SRPK2: variants seen among roughly 807,000 people sequenced by gnomAD.
SRPK2 encodes SRSF protein kinase 2, also known as SFRS protein kinase 2.
SRPK2 carries 21 observed loss-of-function variants against 90.8 expected under a neutral mutation model. The observed-to-expected ratio is 0.23, with a 90% CI of 0.16 to 0.33. SRPK2 has a LOEUF of 0.33. Ranked by LOEUF, SRPK2 falls within the 10% of genes least tolerant of loss-of-function variation. SRPK2 has a pLI of 1.00. For synonymous variants in SRPK2, 288 were observed against 311.1 expected (o/e 0.93, Z 0.78); for missense variants, 620 against 869.0 (o/e 0.71, Z 3.60).
Position 105,191,219 on chromosome 7 carries a change from C to A in SRPK2, c.229+12409G>T, listed in dbSNP as rs546171632. 3.6e-3 allele frequency among the ~76,000 whole-genome samples: 541 copies of A among 152,186 alleles called. 3 individuals carry two copies. Among genetic ancestry groups the A allele is most frequent in the African/African-American group, 0.012 (511 of 41,538 alleles). On this transcript the variant is annotated intron_variant, in intron 3 of 15. Transcript: ENST00000393651. ...TTTCATAGCCAAACGATATCCAATG[C>A]AAAAAAGAAATGACAACCACCCTGA...
intron 2 of SRPK2, among the ~76,000 whole-genome samples, chr7:105,299,312 G>A (rs1231930740): frequency 6.6e-6 from 1 of 152,166 alleles, no homozygotes; most frequent in African/African-American, 2.4e-5. Context: ...TTTATTATGA[G>A]TGGAGTCAGG....
chr7:105,131,912 C>T (rs1022814102), intron 13 of SRPK2, among the ~76,000 whole-genome samples: 13 of 152,244 alleles, frequency 8.5e-5, no homozygotes, highest in African/African-American at 3.1e-4. Context: ...TAAGTAAATA[C>T]CACTGAGAAA....
At chr7:105,359,469 T>C (rs1818184981) in intron 2 of SRPK2, among the ~76,000 whole-genome samples, 1 of 152,108 alleles carries the variant, frequency 6.6e-6, no homozygotes, top group Non-Finnish European at 1.5e-5. Context: ...ACAGCACTAT[T>C]TATTAAGTGG....
rs527331063 is a variant in SRPK2 at position 105,297,575 on chromosome 7, A to C, written c.71+91073T>G. On this transcript the variant is annotated intron_variant, in intron 2 of 15. Transcript: ENST00000393651. ...ACACCGTTTACCATTTTAGACATAC[A>C]GAAGGTCCACGCTACAATTACCTAA... 1.7e-5 allele frequency: 14 copies of C among 839,962 alleles called. No individual in the cohort carries two copies. The African/African-American group carries it at 2.4e-4, about 14-fold the overall frequency. 52.0% of individuals were successfully genotyped at this position (839,962 alleles called of 1,614,324 possible).
At chr7:105,396,816 G>GAAAGAGAAAGAA (rs1563329651) in intron 1 of SRPK2, among the ~76,000 whole-genome samples, 2 of 92,346 alleles carry the variant, frequency 2.2e-5, no homozygotes, top group Non-Finnish European at 5.0e-5. Context: ...GAAAGAAAGA[G>GAAAGAGAAAGAA]AGAAAGAGAG....
intron 2 of SRPK2, among the ~76,000 whole-genome samples, chr7:105,321,348 T>C (rs1812915664): frequency 6.6e-6 from 1 of 152,132 alleles, no homozygotes; most frequent in Admixed American, 6.5e-5. Context: ...ACAACCTACA[T>C]AAGAGCTGAA....
intron 2 of SRPK2, among the ~76,000 whole-genome samples, chr7:105,379,147 C>G (rs912982262): frequency 2.0e-5 from 3 of 150,332 alleles, no homozygotes; most frequent in African/African-American, 7.4e-5. Flanking sequence ...GACCCAGTCT[C>G]TAAAAAAAAA....
intron 2 of SRPK2, among the ~76,000 whole-genome samples, chr7:105,214,141 A>C (rs1797171850): frequency 6.6e-6 from 1 of 152,240 alleles, no homozygotes. Context: ...TGGGCAGTGC[A>C]GATATAGAAC....
rs1563269860 is a variant in SRPK2, at chr7:105,348,943, C to T, written c.71+39705G>A. Reference sequence around the variant, plus strand: ...GGCAGATCACCTGAGGTTAGGGGTTCGAGACCAGCCTGGCCAACATGGTGA... The same window carrying T: ...GGCAGATCACCTGAGGTTAGGGGTTTGAGACCAGCCTGGCCAACATGGTGA... On this transcript the variant is annotated intron_variant, in intron 2 of 15. Coordinates refer to ENST00000393651, the MANE Select transcript of SRPK2 (RefSeq NM_182692.3). 2.0e-5 allele frequency among the ~76,000 whole-genome samples: 3 copies of T among 150,828 alleles called. No homozygotes were observed. The South Asian group carries it at 6.3e-4, about 32-fold the overall frequency.
At chr7:105,301,601 G>T (rs1380637723) in intron 2 of SRPK2, 1 of 1,605,678 alleles carries the variant, frequency 6.2e-7, no homozygotes, top group African/African-American at 1.3e-5. Flanking sequence ...CGGGAATTAA[G>T]TTCAGTTTCT....
intron 6 of SRPK2, 67 bp downstream of exon 6, chr7:105,167,310 T>G (rs73715406): frequency 3.0e-6 from 4 of 1,337,354 alleles, no homozygotes; most frequent in Non-Finnish European, 4.3e-6. Flanking sequence ...ACAGAGATTA[T>G]AGGAGCTTGA....
intron 2 of SRPK2, among the ~76,000 whole-genome samples, chr7:105,349,522 CAAAAAAA>C (rs572686995): frequency 4.5e-5 from 4 of 88,948 alleles, no homozygotes; most frequent in African/African-American, 1.7e-4. Context: ...AACTCCATCT[CAAAAAAA>C]AAAAAAAAAG....
chr7:105,332,173 C>A (rs1206794128), intron 2 of SRPK2, among the ~76,000 whole-genome samples: 2 of 152,080 alleles, frequency 1.3e-5, no homozygotes, highest in Non-Finnish European at 2.9e-5. Flanking sequence ...AAATCATCAA[C>A]AAAGGGAAAT....
At chr7:105,317,080 G>C (rs1812393739) in intron 2 of SRPK2, among the ~76,000 whole-genome samples, 1 of 152,192 alleles carries the variant, frequency 6.6e-6, no homozygotes, top group African/African-American at 2.4e-5. Context: ...CCTTCCAGCA[G>C]TTCTCAAAGT....
intron 2 of SRPK2, among the ~76,000 whole-genome samples, chr7:105,368,435 C>CT (rs767486802): frequency 6.6e-6 from 1 of 152,176 alleles, no homozygotes; most frequent in Non-Finnish European, 1.5e-5. Flanking sequence ...AATAATCTCT[C>CT]TTTGAGGACT....
intron 2 of SRPK2, among the ~76,000 whole-genome samples, chr7:105,284,625 A>T (rs1807815254): frequency 6.6e-6 from 1 of 152,182 alleles, no homozygotes; most frequent in Non-Finnish European, 1.5e-5. Flanking sequence ...AATTCACCAC[A>T]ATTCATTTTG....
At chr7:105,371,931 G>C (rs749124780) in intron 2 of SRPK2, among the ~76,000 whole-genome samples, 1 of 151,944 alleles carries the variant, frequency 6.6e-6, no homozygotes, top group Non-Finnish European at 1.5e-5. Context: ...TCAGGAGATC[G>C]AGACCATTCT....
chr7:105,131,231 T>G (rs1383861154), intron 13 of SRPK2, among the ~76,000 whole-genome samples: 2 of 152,222 alleles, frequency 1.3e-5, no homozygotes, highest in Non-Finnish European at 1.5e-5. Context: ...CATTGTGGTC[T>G]AACCTCCCCA....
intron 3 of SRPK2, among the ~76,000 whole-genome samples, chr7:105,195,328 C>T (rs560337393): frequency 3.5e-4 from 53 of 152,350 alleles, no homozygotes; most frequent in African/African-American, 1.2e-3. Flanking sequence ...GGATTACAGG[C>T]GTGGGCCACC....
Sources: gnomAD v4.1 joint callset for allele counts (sites outside exome capture counted in the v4.1 genomes callset) on GRCh38, gnomAD v4.1.1 for gene constraint, MANE v1.5 for transcripts, NCBI Gene and HGNC (gene_info 2026-07-23, HGNC 2026-07-21) for gene names.